ENOX2: variants seen among roughly 807,000 people sequenced by gnomAD.
The protein encoded by ENOX2 is ecto-NOX disulfide-thiol exchanger 2.
ENOX2 carries 36 observed loss-of-function variants against 45.0 expected under a neutral mutation model. That is an observed-to-expected ratio of 0.80 (90% CI 0.61 to 1.06). The LOEUF (loss-of-function observed/expected upper bound fraction) is 1.06. Ranked by LOEUF, ENOX2 falls within the 50% of genes least tolerant of loss-of-function variation. ENOX2 has a pLI of 0.00. For missense variants in ENOX2, 423 were observed against 462.5 expected (o/e 0.91, Z 0.78); for synonymous variants, 174 against 152.3 (o/e 1.14, Z -1.05).
intron 2 of ENOX2, among the ~76,000 whole-genome samples, chrX:130,878,447 C>T (rs182213109): frequency 9.0e-6 from 1 of 111,460 alleles, no homozygotes; most frequent in African/African-American, 3.3e-5. Flanking sequence ...AGGCTCATCC[C>T]TCCAGTGGTC....
At chrX:130,765,997 G>C (rs780750996) in intron 3 of ENOX2, among the ~76,000 whole-genome samples, 1 of 110,963 alleles carries the variant, frequency 9.0e-6, no homozygotes, top group Non-Finnish European at 1.9e-5. Context: ...TTCTCTAAAA[G>C]ATAGTATATA....
At chrX:130,719,294 G>A (rs1477756686) in intron 3 of ENOX2, among the ~76,000 whole-genome samples, 2 of 110,807 alleles carry the variant, frequency 1.8e-5, no homozygotes, top group Non-Finnish European at 3.8e-5. Flanking sequence ...GGTGTTGAAG[G>A]AAGAGATTCA....
At chrX:130,851,821 T>C (rs1321801575) in intron 2 of ENOX2, among the ~76,000 whole-genome samples, 3 of 112,308 alleles carry the variant, frequency 2.7e-5, no homozygotes, top group African/African-American at 9.7e-5. Flanking sequence ...CTGTAAAATC[T>C]GGATTCAATT....
intron 2 of ENOX2, among the ~76,000 whole-genome samples, chrX:130,876,324 T>A (rs1020970674): frequency 8.9e-6 from 1 of 111,964 alleles, no homozygotes; most frequent in Non-Finnish European, 1.9e-5. Flanking sequence ...ATCATTATGC[T>A]AAGTGAAAGA....
At chrX:130,881,129 CA>C (rs2078800441) in intron 2 of ENOX2, among the ~76,000 whole-genome samples, 2 of 111,515 alleles carry the variant, frequency 1.8e-5, no homozygotes, top group African/African-American at 6.5e-5. Flanking sequence ...CTTAATAAAA[CA>C]AAAAAATTCA....
intron 6 of ENOX2, among the ~76,000 whole-genome samples, chrX:130,670,815 ATATAGTAG>A (rs1347320214): frequency 1.8e-5 from 2 of 110,205 alleles, no homozygotes; most frequent in Non-Finnish European, 3.8e-5. Flanking sequence ...TGTGATTATA[ATATAGTAG>A]TATAGGACTG....
At chrX:130,691,018 C>T (rs946035378) in intron 4 of ENOX2, among the ~76,000 whole-genome samples, 1 of 107,130 alleles carries the variant, frequency 9.3e-6, no homozygotes, top group Non-Finnish European at 1.9e-5. Context: ...CTTGCATGTA[C>T]ACACACACAC....
At chrX:130,788,679 T>C (rs1200246229) in intron 2 of ENOX2, among the ~76,000 whole-genome samples, 3 of 112,162 alleles carry the variant, frequency 2.7e-5, no homozygotes, top group African/African-American at 6.5e-5. Flanking sequence ...AAGTCAGAAA[T>C]TGTCCAAAGT....
intron 3 of ENOX2, among the ~76,000 whole-genome samples, chrX:130,719,361 T>C (rs1200924598): frequency 9.1e-6 from 1 of 109,521 alleles, no homozygotes; most frequent in Non-Finnish European, 1.9e-5. Flanking sequence ...GGCTACCTGC[T>C]TAGGTGCCCA....
At chrX:130,691,663 A>G (rs2037599704) in intron 4 of ENOX2, among the ~76,000 whole-genome samples, 1 of 112,705 alleles carries the variant, frequency 8.9e-6, no homozygotes, top group Non-Finnish European at 1.9e-5. Flanking sequence ...GTGTGCCAAC[A>G]AAACAATCCC....
intron 3 of ENOX2, among the ~76,000 whole-genome samples, chrX:130,709,829 A>G (rs1256118725): frequency 1.8e-5 from 2 of 108,325 alleles, no homozygotes; most frequent in Non-Finnish European, 3.8e-5. Flanking sequence ...GGTTTGTTAC[A>G]TAGGTATACA....
intron 2 of ENOX2, among the ~76,000 whole-genome samples, chrX:130,871,844 T>C (rs952604313): frequency 9.0e-6 from 1 of 111,417 alleles, no homozygotes; most frequent in Non-Finnish European, 1.9e-5. Flanking sequence ...ATTCAAGTAA[T>C]TGATGCTAAA....
chrX:130,644,669 A>G (rs2036180719), intron 10 of ENOX2, among the ~76,000 whole-genome samples: 1 of 112,044 alleles, frequency 8.9e-6, no homozygotes, highest in East Asian at 2.8e-4. Flanking sequence ...GATTACAACT[A>G]TATAATATTC....
At chrX:130,643,262 ATG>A (rs1174423999) in intron 10 of ENOX2, among the ~76,000 whole-genome samples, 1,402 of 111,834 alleles carry the variant, frequency 0.013, 21 homozygotes, top group African/African-American at 0.043. Flanking sequence ...AGGCAGAACA[ATG>A]GAGAAGACAA....
chrX:130,814,919 C>T (rs1254192930), intron 2 of ENOX2, among the ~76,000 whole-genome samples: 1 of 111,442 alleles, frequency 9.0e-6, no homozygotes, highest in Non-Finnish European at 1.9e-5. Flanking sequence ...CAGAAGTAGG[C>T]TTCAGAAGGT....
chrX:130,811,503 G>T (rs1393339659), intron 2 of ENOX2, among the ~76,000 whole-genome samples: 1 of 112,630 alleles, frequency 8.9e-6, no homozygotes, highest in Admixed American at 9.3e-5. Flanking sequence ...GACTCCAAGA[G>T]CAAGCCTGCC....
At chrX:130,773,659 CTG>C (rs1207706641) in intron 3 of ENOX2, among the ~76,000 whole-genome samples, 1 of 112,327 alleles carries the variant, frequency 8.9e-6, no homozygotes, top group Non-Finnish European at 1.9e-5. Context: ...TTAGTACACT[CTG>C]TTTCTGCAGT....
chrX:130,827,516 G>A (rs2077740196), intron 2 of ENOX2, among the ~76,000 whole-genome samples: 1 of 111,483 alleles, frequency 9.0e-6, no homozygotes, highest in South Asian at 3.7e-4. Flanking sequence ...TTTTTAAAGA[G>A]TCTGTTGTCT....
chrX:130,885,189 A>G (rs749488432), intron 2 of ENOX2, among the ~76,000 whole-genome samples: 1 of 112,347 alleles, frequency 8.9e-6, no homozygotes, highest in East Asian at 2.8e-4. Flanking sequence ...TACATTTTTC[A>G]GTAAATGACC....
Sources: allele counts gnomAD v4.1 joint callset (sites outside exome capture counted in the v4.1 genomes callset), GRCh38; gene constraint gnomAD v4.1.1; transcripts MANE v1.5; gene names NCBI Gene and HGNC (gene_info 2026-07-23, HGNC 2026-07-21).